The following ITPR3 variants were observed in gnomAD, a reference collection of about 807,000 sequenced individuals.
ITPR3 encodes the protein inositol 1,4,5-trisphosphate-gated calcium channel ITPR3.
A neutral mutation model predicts 293.2 loss-of-function variants in ITPR3; 173 were observed. The observed-to-expected ratio is 0.59, with a 90% CI of 0.52 to 0.67. The LOEUF is 0.67. ITPR3 is among the 30% of genes least tolerant of loss of function. The probability of loss-of-function intolerance (pLI) is 0.00; values close to 1 mark genes in which losing one functional copy is unlikely to be tolerated. For synonymous variants in ITPR3, 1,295 were observed against 1,444.4 expected, an observed-to-expected ratio of 0.90 and a Z score of 2.35; for missense variants, 2,796 against 3,592.1, an observed-to-expected ratio of 0.78 and a Z score of 5.66.
intron 2 of ITPR3, among the ~76,000 whole-genome samples, chr6:33,650,101 T>C (rs1764152796): frequency 6.6e-6 from 1 of 152,252 alleles, no homozygotes; most frequent in Admixed American, 6.5e-5. Flanking sequence ...CTCATGGTCT[T>C]TGATGCTGCA....
chr6:33,655,659 G>A lies in ITPR3; in HGVS notation c.161-107G>A. 7.0e-7 allele frequency: 1 copy of A among 1,434,904 alleles called. No individual in the cohort carries two copies. The highest frequency in any genetic ancestry group is 9.6e-7 in the Non-Finnish European group (1 of 1,046,508). 88.9% of individuals were successfully genotyped at this position (1,434,904 alleles called of 1,614,324 possible). A position where few individuals can be genotyped will look rare whatever the true frequency, so the allele number is the denominator to read the frequency against. On this transcript the variant is annotated intron_variant, in intron 2 of 57. Coordinates refer to ENST00000605930, the MANE Select transcript of ITPR3 (RefSeq NM_002224.4). This position sits in a 1 kb window ranked among gnomAD's most constrained non-coding sequence, Gnocchi z 4.9. Reference sequence around the variant, plus strand: ...CTCTCTACCTGCAGCGGGGAACGGGGGTGGGGAAGGGTTGGGAGAGAAGAG... The same window carrying A: ...CTCTCTACCTGCAGCGGGGAACGGGAGTGGGGAAGGGTTGGGAGAGAAGAG...
intron 6 of ITPR3, 44 bp from the exon 7 acceptor site, chr6:33,659,422 G>A: frequency 3.8e-6 from 6 of 1,559,282 alleles, no homozygotes; most frequent in Non-Finnish European, 5.3e-6. Flanking sequence ...GCCCTCAGTG[G>A]CTGGGGTCCA....
Position 33,659,157 on chromosome 6 carries a change from G to A in ITPR3, c.627+38G>A, listed in dbSNP as rs753375986. 22 of 1,566,542 alleles carry A rather than the reference G, an allele frequency of 1.4e-5. No individual in the cohort carries two copies. In the East Asian group the frequency reaches 1.6e-4, roughly 11 times the overall value. On this transcript the variant is annotated intron_variant, in intron 6 of 57. Coordinates refer to ENST00000605930, the MANE Select transcript of ITPR3 (RefSeq NM_002224.4). ...GGGGTCAGCCATGCAGTGCAGGGAC[G>A]TCCACACACCCCTGGTGGTGTAGAC...
Position 33,628,869 on chromosome 6 carries a change from G to T in ITPR3, c.89+7178G>T, listed in dbSNP as rs1192913171. On this transcript the variant is annotated intron_variant, in intron 1 of 57. Transcript: ENST00000605930. ...TCCCCATCGCTCAGCCAGCCAGCCC[G>T]CCAGCCAGCCAGCCATTAGCCCTTC... Among the ~76,000 whole-genome samples, 5 of 152,186 alleles carry T rather than the reference G, an allele frequency of 3.3e-5. 1 individual carries two copies. The South Asian group carries it at 1.0e-3, about 32-fold the overall frequency.
rs1486701538 is a variant in ITPR3 at position 33,660,545 on chromosome 6, TC to T, written c.711+998del. On this transcript the variant is annotated intron_variant, in intron 7 of 57. Transcript: ENST00000605930. ...CTCCCTCCCTTAAATCTGCACATCA[TC>T]CACACATTAATCAAGGTGCAGCCAT... 6.4e-5 allele frequency among the ~76,000 whole-genome samples: 9 copies of T among 141,252 alleles called. No homozygotes were observed. In the East Asian group the frequency reaches 2.3e-3, roughly 35 times the overall value. 92.7% of individuals were successfully genotyped at this position (141,252 alleles called of 152,430 possible).
intron 43 of ITPR3, 89 bp from the exon 44 acceptor site, chr6:33,686,920 A>C: frequency 9.9e-7 from 1 of 1,012,776 alleles, no homozygotes; most frequent in South Asian, 1.4e-5. Flanking sequence ...GTTGGATGGG[A>C]GAGCTGTTAT....
chr6:33,664,743 G>A lies in ITPR3; in HGVS notation c.1149-127G>A. ...ATCTGGAGGGGCACCAGTGGCTCCT[G>A]TCCCACAGCTGTTGAGGGTGTGGAG... On this transcript the variant is annotated intron_variant, in intron 11 of 57. Coordinates refer to ENST00000605930, the MANE Select transcript of ITPR3 (RefSeq NM_002224.4). The surrounding 1 kb of genome is among the most constrained non-coding windows in gnomAD (Gnocchi z 4.4). 1.3e-6 allele frequency: 1 copy of A among 765,494 alleles called. No individual in the cohort carries two copies. Among genetic ancestry groups the A allele is most frequent in the South Asian group, 1.6e-5 (1 of 60,972 alleles). The allele number at this position is 765,494 out of a possible 1,614,324, so 47.4% of individuals were successfully genotyped here. A position where few individuals can be genotyped will look rare whatever the true frequency, so the allele number is the denominator to read the frequency against.
rs1486974538 is a variant in ITPR3 at position 33,677,030 on chromosome 6, G to A, written c.3463G>A (p.Glu1155Lys). The A allele has an allele frequency of 1.2e-6, 2 of 1,614,224 alleles. No homozygotes were observed. Among genetic ancestry groups the A allele is most frequent in the Admixed American group, 1.7e-5 (1 of 60,032 alleles). ...KDKKERPTDEEGFLHPPGEKS... is the reference protein window; with the variant it reads ...KDKKERPTDEKGFLHPPGEKS... Reference sequence around the variant, plus strand: ...CTGCTTTCAGCGTCCCACGGACGAGGAGGGCTTTCTGCACCCACCAGGGGA... The same window carrying A: ...CTGCTTTCAGCGTCCCACGGACGAGAAGGGCTTTCTGCACCCACCAGGGGA... The change falls in exon 27 of 58, where the codon GAG (glutamate) becomes AAG (lysine). Residue 1155 changes from glutamate to lysine, a missense_variant. Around this residue, in one of 8 missense-constraint regions of ITPR3, gnomAD observed 344 missense variants for 460.3 expected, o/e 0.75. Transcript: ENST00000605930.
At chr6:33,635,752 G>A (rs1356751222) in intron 1 of ITPR3, among the ~76,000 whole-genome samples, 1 of 151,986 alleles carries the variant, frequency 6.6e-6, no homozygotes, top group East Asian at 1.9e-4. Context: ...GGAGGTAGAG[G>A]GTTCTGGGCA....
chr6:33,682,758 C>G lies in ITPR3; in HGVS notation c.4597+114C>G. ...CCTAAGCTCGCCCATCTCCTGCTCC[C>G]AGGTGGTTGTCAGTAAGTTCTTCTT... On this transcript the variant is annotated intron_variant, in intron 34 of 57. Transcript: ENST00000605930. This position sits in a 1 kb window ranked among gnomAD's most constrained non-coding sequence, Gnocchi z 5.4. The G allele has an allele frequency of 7.4e-7, 1 of 1,355,672 alleles. No homozygotes were observed. Among genetic ancestry groups the G allele is most frequent in the Non-Finnish European group, 9.7e-7 (1 of 1,029,582 alleles). 84.0% of individuals were successfully genotyped at this position (1,355,672 alleles called of 1,614,324 possible).
chr6:33,690,878 C>T, intron 51 of ITPR3, 39 bp from the exon 52 acceptor site: 1 of 1,590,874 alleles, frequency 6.3e-7, no homozygotes, highest in Non-Finnish European at 8.6e-7. Flanking sequence ...CCGGCCCAGC[C>T]CCTCAAGGTG....
At chr6:33,628,628 C>T (rs891225519) in intron 1 of ITPR3, among the ~76,000 whole-genome samples, 14 of 152,166 alleles carry the variant, frequency 9.2e-5, no homozygotes, top group Admixed American at 8.5e-4. Flanking sequence ...TGGGTGGAGC[C>T]ACATGCCACA....
intron 1 of ITPR3, among the ~76,000 whole-genome samples, chr6:33,636,947 C>T (rs1471606400): frequency 2.6e-5 from 4 of 152,300 alleles, no homozygotes; most frequent in South Asian, 2.1e-4. Context: ...TCCTGCACAG[C>T]GCCTGCTCTG....
At chr6:33,677,731 C>G in intron 28 of ITPR3, 102 bp downstream of exon 28, 2 of 1,407,228 alleles carry the variant, frequency 1.4e-6, no homozygotes, top group South Asian at 2.7e-5. Flanking sequence ...CTCCCAGCCT[C>G]GCCTGGCCTC....
In ITPR3 at chr6:33,666,130, C is replaced by T. The variant is rs77311166; in HGVS notation, c.1551+154C>T. On this transcript the variant is annotated intron_variant, in intron 14 of 57. Transcript: ENST00000605930. The surrounding 1 kb of genome is among the most constrained non-coding windows in gnomAD (Gnocchi z 5.1). ...TCCCTAAGTACCCCACATGTGTTGA[C>T]GAATTTGATCCTCACTGCCTGGAGG... Among the ~76,000 whole-genome samples the T allele has an allele frequency of 0.021, 3,245 of 152,232 alleles. 105 individuals are homozygous for T. The highest frequency in any genetic ancestry group is 0.072 in the African/African-American group (2,993 of 41,530).
intron 2 of ITPR3, among the ~76,000 whole-genome samples, chr6:33,649,681 C>T (rs796483329): frequency 3.3e-5 from 5 of 152,338 alleles, no homozygotes; most frequent in African/African-American, 1.2e-4. Flanking sequence ...TTTTACATTA[C>T]TGCAACCGTA....
At chr6:33,663,145 A>G (rs1764518939) in intron 9 of ITPR3, 139 bp downstream of exon 9, 2 of 689,508 alleles carry the variant, frequency 2.9e-6, no homozygotes, top group Non-Finnish European at 5.0e-6. Context: ...CATTTATCCA[A>G]TATTATCAAA....
chr6:33,683,092 C>T lies in ITPR3; in HGVS notation c.4598-115C>T, dbSNP rs1765122534. ...CCGGGGTGGGGGGGGTCTCTGTCTC[C>T]CAGACCCTTGGTCTAGTTCACTCTG... On this transcript the variant is annotated intron_variant, in intron 34 of 57. Coordinates refer to ENST00000605930, the MANE Select transcript of ITPR3 (RefSeq NM_002224.4). The surrounding 1 kb of genome is among the most constrained non-coding windows in gnomAD (Gnocchi z 4.5). The T allele has an allele frequency of 3.9e-6, 3 of 760,610 alleles. No homozygotes were observed. Among genetic ancestry groups the T allele is most frequent in the Non-Finnish European group, 5.9e-6 (3 of 507,458 alleles). The allele number at this position is 760,610 out of a possible 1,614,324, so 47.1% of individuals were successfully genotyped here. A position where few individuals can be genotyped will look rare whatever the true frequency, so the allele number is the denominator to read the frequency against.
At position 33,667,309 on chromosome 6, in the gene ITPR3, G is replaced by T; in HGVS notation, c.1713+19G>T. On this transcript the variant is annotated intron_variant, in intron 15 of 57. Transcript: ENST00000605930. This position sits in a 1 kb window ranked among gnomAD's most constrained non-coding sequence, Gnocchi z 4.4. ...GAACCAGGTGCGCCGCTGCCCTGCT[G>T]GCCCACTCGCTGGCTGCACGTTCCT... 6.2e-7 allele frequency: 1 copy of T among 1,607,632 alleles called. No homozygotes were observed. Among genetic ancestry groups the T allele is most frequent in the South Asian group, 1.1e-5 (1 of 90,624 alleles).
Sources: gnomAD v4.1 joint callset for allele counts (sites outside exome capture counted in the v4.1 genomes callset) on GRCh38, gnomAD v4.1.1 for gene constraint, gnomAD v4.1.1 regional missense constraint, Gnocchi (gnomAD v3.1) non-coding constraint, MANE v1.5 for transcripts, NCBI Gene and HGNC (gene_info 2026-07-23, HGNC 2026-07-21) for gene names.